OR10S1: variants seen among roughly 807,000 people sequenced by gnomAD.
OR10S1 encodes the protein olfactory receptor family 10 subfamily S member 1.
For synonymous variants in OR10S1, 167 were observed against 164.1 expected (o/e 1.02, Z -0.13); for missense variants, 415 against 407.9 (o/e 1.02, Z -0.15).
chr11:123,977,606 C>A, exon 1 of OR10S1: 1 of 1,610,280 alleles, frequency 6.2e-7, no homozygotes, highest in Non-Finnish European at 8.5e-7. Flanking sequence ...GTACCTCAAA[C>A]CCTCCAGGAA....
chr11:123,977,639 T>A, exon 1 of OR10S1: 1 of 1,605,034 alleles, frequency 6.2e-7, no homozygotes, highest in Non-Finnish European at 8.5e-7. Context: ...CACAGTCTGG[T>A]TGGGGTTCTC....
chr11:123,977,185 G>C, exon 1 of OR10S1: 1 of 1,614,212 alleles, frequency 6.2e-7, no homozygotes, highest in Non-Finnish European at 8.5e-7. Flanking sequence ...GGATTGCAGC[G>C]TGCGTGGCAC....
exon 1 of OR10S1, chr11:123,977,447 A>C: frequency 1.9e-5 from 30 of 1,614,162 alleles, no homozygotes; most frequent in Non-Finnish European, 2.5e-5. Context: ...ACAGGCATCC[A>C]GGAAGGAGAG....
At chr11:123,977,348 A>G (rs767876382) in exon 1 of OR10S1, 2 of 1,614,162 alleles carry the variant, frequency 1.2e-6, no homozygotes, top group Non-Finnish European at 8.5e-7. Flanking sequence ...GAAGCAATAA[A>G]GCTGTACGGC....
chr11:123,976,988 A>C, exon 1 of OR10S1: 2 of 1,614,076 alleles, frequency 1.2e-6, no homozygotes, highest in Non-Finnish European at 1.7e-6. Flanking sequence ...AGCTGCCACG[A>C]TGAAGATGTA....
exon 1 of OR10S1, chr11:123,976,884 C>G (rs2137533039): frequency 1.9e-6 from 3 of 1,614,138 alleles, no homozygotes; most frequent in South Asian, 1.1e-5. Flanking sequence ...TAGATACAGA[C>G]AGGTGGCACG....
chr11:123,977,434 C>T (rs1468316982), exon 1 of OR10S1: 2 of 1,613,922 alleles, frequency 1.2e-6, no homozygotes, highest in African/African-American at 2.7e-5. Context: ...TCACTGTAGA[C>T]AAACAGGCAT....
chr11:123,977,740 T>C (rs1287666368), exon 1 of OR10S1: 2 of 1,516,604 alleles, frequency 1.3e-6, no homozygotes, highest in East Asian at 2.3e-5. Flanking sequence ...CTGTATCCCT[T>C]TCCTGAGATG....
chr11:123,977,414 T>C (rs17686210), exon 1 of OR10S1: 393,522 of 1,613,726 alleles, frequency 0.24, 49,528 homozygotes, highest in Middle Eastern at 0.38. Flanking sequence ...TGCCATGACC[T>C]TGGGCACTGT....
rs756330042 is a variant in OR10S1 at position 123,976,924 on chromosome 11, A to G, written c.741T>C (p.Thr247=). 3.1e-6 allele frequency: 5 copies of G among 1,614,056 alleles called. No individual in the cohort carries two copies. The Admixed American group carries it at 6.7e-5, about 22-fold the overall frequency. The change falls in exon 1 of 1, where the codon ACT becomes ACC. Residue 247 remains threonine, a synonymous_variant. Transcript: ENST00000641123. ...ACAGGAGCACCCCAGTGAGCTGGGC[A>G]GTGCAGGGGGAGAAGGCCCGCTGCC... is the stretch of plus-strand genomic sequence containing the variant.
At chr11:123,977,007 C>T (rs768732449) in exon 1 of OR10S1, 15 of 1,613,962 alleles carry the variant, frequency 9.3e-6, no homozygotes, top group Non-Finnish European at 1.2e-5. Flanking sequence ...TAGGAAATAA[C>T]GATGAGGATG....
chr11:123,977,061 G>A, exon 1 of OR10S1: 2 of 1,614,238 alleles, frequency 1.2e-6, no homozygotes, highest in Non-Finnish European at 1.7e-6. Flanking sequence ...AGCATGACTA[G>A]CTCATTAATG....
Position 123,977,224 on chromosome 11 carries a change from T to G in OR10S1, c.441A>C (p.Ala147=), listed in dbSNP as rs769876254. Residue 147 remains alanine, a synonymous_variant, in exon 1 of 1, where the codon GCA becomes GCC. Transcript: ENST00000641123. ...TGGCCCAGGTGATTCCAGCCATTTCTGCACACATCCTTCTGTTCATGGCCA... is the reference window on the plus strand; with the variant it reads ...TGGCCCAGGTGATTCCAGCCATTTCGGCACACATCCTTCTGTTCATGGCCA... 2.5e-6 allele frequency: 4 copies of G among 1,614,256 alleles called. No homozygotes were observed. In the South Asian group the frequency reaches 4.4e-5, roughly 18 times the overall value.
chr11:123,977,752 C>A lies in OR10S1; in HGVS notation c.-88G>T. 1 of 1,446,450 alleles carries A rather than the reference C, an allele frequency of 6.9e-7. No homozygotes were observed. The highest frequency in any genetic ancestry group is 9.4e-7 in the Non-Finnish European group (1 of 1,058,820). The allele number at this position is 1,446,450 out of a possible 1,614,324, so 89.6% of individuals were successfully genotyped here. Reference sequence around the variant, plus strand: ...TAGCTGTATCCCTTTCCTGAGATGTCATTATCCATCAAGCCACACCACCTT... The same window carrying A: ...TAGCTGTATCCCTTTCCTGAGATGTAATTATCCATCAAGCCACACCACCTT... On this transcript the variant is annotated 5_prime_UTR_variant, in exon 1 of 1. An upstream start codon of the reference 5' UTR is lost. Transcript: ENST00000641123.
exon 1 of OR10S1, chr11:123,977,455 G>A (rs148762471): frequency 6.2e-7 from 1 of 1,614,176 alleles, no homozygotes; most frequent in Non-Finnish European, 8.5e-7. Context: ...CCAGGAAGGA[G>A]AGGTGCCCCA....
At chr11:123,977,215 A>T (rs1159447701) in exon 1 of OR10S1, 3 of 1,614,126 alleles carry the variant, frequency 1.9e-6, no homozygotes, top group African/African-American at 2.7e-5. Flanking sequence ...AGGTGATTCC[A>T]GCCATTTCTG....
At chr11:123,977,700 C>T (rs1211111301) in exon 1 of OR10S1, 2 of 1,593,952 alleles carry the variant, frequency 1.3e-6, no homozygotes, top group East Asian at 4.5e-5. Flanking sequence ...ATCCCCTTTG[C>T]AACAAAACTG....
chr11:123,977,346 A>G, exon 1 of OR10S1: 7 of 1,614,142 alleles, frequency 4.3e-6, no homozygotes, highest in South Asian at 1.1e-5. Flanking sequence ...TGGAAGCAAT[A>G]AAGCTGTACG....
At chr11:123,976,755 G>C in exon 1 of OR10S1, 1 of 1,614,200 alleles carries the variant, frequency 6.2e-7, no homozygotes, top group Non-Finnish European at 8.5e-7. Flanking sequence ...AGCCTTTGCA[G>C]AGCATGCTTC....
Sources: allele counts gnomAD v4.1 joint callset, GRCh38; gene constraint gnomAD v4.1.1; transcripts MANE v1.5; gene names NCBI Gene and HGNC (gene_info 2026-07-23, HGNC 2026-07-21).